The following PDLIM5 variants were observed in gnomAD, a reference collection of about 807,000 sequenced individuals.
PDLIM5 encodes PDZ and LIM domain 5.
A neutral mutation model predicts 64.2 loss-of-function variants in PDLIM5; 34 were observed. That is an observed-to-expected ratio of 0.53 (90% CI 0.40 to 0.71). The LOEUF (loss-of-function observed/expected upper bound fraction) is 0.71. Ranked by LOEUF, PDLIM5 falls within the 30% of genes least tolerant of loss-of-function variation. The pLI is 0.00. For synonymous variants in PDLIM5, 253 were observed against 269.1 expected (o/e 0.94, Z 0.59); for missense variants, 683 against 733.6 (o/e 0.93, Z 0.80).
At position 94,564,946 on chromosome 4, in the gene PDLIM5, A is replaced by G. The variant is rs985868246; in HGVS notation, c.249-8405A>G. 7.2e-5 allele frequency among the ~76,000 whole-genome samples: 11 copies of G among 151,986 alleles called. 1 individual carries two copies. Among genetic ancestry groups the G allele is most frequent in the Admixed American group, 3.9e-4 (6 of 15,254 alleles). On this transcript the variant is annotated intron_variant, in intron 3 of 12. Transcript: ENST00000317968. ...GCTGGGATTACAGGCATGAGCCGCC[A>G]CGCCCAGCCCGTCTGTTTTATTCAT...
At chr4:94,545,295 T>G (rs1578346295) in intron 3 of PDLIM5, among the ~76,000 whole-genome samples, 1 of 152,248 alleles carries the variant, frequency 6.6e-6, no homozygotes, top group East Asian at 1.9e-4. Context: ...CTTTAAATTT[T>G]TACAACTCTA....
intron 3 of PDLIM5, among the ~76,000 whole-genome samples, chr4:94,530,857 G>T (rs1730814920): frequency 6.6e-6 from 1 of 152,134 alleles, no homozygotes; most frequent in Non-Finnish European, 1.5e-5. Context: ...TGTTGTACCA[G>T]ACTGAAGCTA....
chr4:94,621,122 G>A (rs576480292), intron 8 of PDLIM5, among the ~76,000 whole-genome samples: 49 of 149,858 alleles, frequency 3.3e-4, no homozygotes, highest in African/African-American at 1.1e-3. Flanking sequence ...CTATTGTGTT[G>A]GAAAGAGGAC....
At chr4:94,554,734 C>T (rs1733120393) in intron 3 of PDLIM5, among the ~76,000 whole-genome samples, 1 of 151,756 alleles carries the variant, frequency 6.6e-6, no homozygotes, top group Non-Finnish European at 1.5e-5. Context: ...TTAAAGTTTG[C>T]TGTCATAGTA....
intron 8 of PDLIM5, among the ~76,000 whole-genome samples, chr4:94,620,592 AAG>A (rs757537850): frequency 6.6e-6 from 1 of 152,106 alleles, no homozygotes; most frequent in Non-Finnish European, 1.5e-5. Context: ...TGAGATTTGT[AAG>A]AGTGAATTTT....
At chr4:94,584,716 G>T (rs750222736) in intron 5 of PDLIM5, 2 of 412,732 alleles carry the variant, frequency 4.8e-6, no homozygotes, top group Middle Eastern at 6.7e-4. Context: ...ACCATACTTG[G>T]TTCCTGGGCC....
At chr4:94,484,368 G>T (rs899957441) in intron 2 of PDLIM5, among the ~76,000 whole-genome samples, 1 of 152,152 alleles carries the variant, frequency 6.6e-6, no homozygotes. Flanking sequence ...TAAAAAATTT[G>T]TGAGGAAGGC....
At chr4:94,583,278 T>TCAC in intron 5 of PDLIM5, among the ~76,000 whole-genome samples, 1 of 152,132 alleles carries the variant, frequency 6.6e-6, no homozygotes, top group Non-Finnish European at 1.5e-5. Flanking sequence ...AGGGGTAGTG[T>TCAC]ACTTTTTACA....
chr4:94,524,547 CTT>C (rs199637892), intron 3 of PDLIM5, among the ~76,000 whole-genome samples: 3 of 145,238 alleles, frequency 2.1e-5, no homozygotes, highest in East Asian at 2.0e-4. Context: ...GTCCTTTTCT[CTT>C]TTTTTTTTTC....
At chr4:94,646,130 C>T (rs886160143) in intron 9 of PDLIM5, among the ~76,000 whole-genome samples, 4 of 152,138 alleles carry the variant, frequency 2.6e-5, no homozygotes, top group African/African-American at 9.7e-5. Flanking sequence ...AAATCAAAGA[C>T]ATGCTCTTTT....
intron 7 of PDLIM5, among the ~76,000 whole-genome samples, chr4:94,599,373 A>G (rs969057936): frequency 1.3e-5 from 2 of 152,116 alleles, no homozygotes; most frequent in Non-Finnish European, 2.9e-5. Flanking sequence ...GTGAATTTGT[A>G]AAGAATTAGT....
At position 94,515,659 on chromosome 4, in the gene PDLIM5, A is replaced by G. The variant is rs188534466; in HGVS notation, c.97-8065A>G. 7.9e-5 allele frequency among the ~76,000 whole-genome samples: 12 copies of G among 152,336 alleles called. No individual in the cohort carries two copies. In the East Asian group the frequency reaches 2.3e-3, roughly 29 times the overall value. On this transcript the variant is annotated intron_variant, in intron 2 of 12. Transcript: ENST00000317968. The stretch of plus-strand genomic sequence containing the variant: ...TTGTGAAAAGTCGTGGTCCCACTCA[A>G]TGGAATATACATGCATGCTTGCACA...
At chr4:94,547,769 T>C (rs1732451450) in intron 3 of PDLIM5, among the ~76,000 whole-genome samples, 1 of 152,236 alleles carries the variant, frequency 6.6e-6, no homozygotes, top group South Asian at 2.1e-4. Context: ...GCCAGAATTA[T>C]ATTCAGACTC....
At chr4:94,575,543 T>G in intron 4 of PDLIM5, 73 bp from the exon 5 acceptor site, 4 of 1,052,560 alleles carry the variant, frequency 3.8e-6, no homozygotes, top group Non-Finnish European at 4.2e-6. Flanking sequence ...ATCAGCTCTG[T>G]GTTCTTTTCG....
intron 2 of PDLIM5, among the ~76,000 whole-genome samples, chr4:94,520,321 A>G (rs1729721705): frequency 6.6e-6 from 1 of 152,180 alleles, no homozygotes; most frequent in Non-Finnish European, 1.5e-5. Context: ...GCCTCCCACA[A>G]CTGCTTCCTT....
At chr4:94,600,111 C>T (rs1737374883) in intron 7 of PDLIM5, among the ~76,000 whole-genome samples, 3 of 152,066 alleles carry the variant, frequency 2.0e-5, no homozygotes, top group Non-Finnish European at 4.4e-5. Flanking sequence ...TGTGATTAAT[C>T]CTCAGAGTCC....
intron 2 of PDLIM5, among the ~76,000 whole-genome samples, chr4:94,491,304 G>T (rs1444611838): frequency 6.6e-6 from 1 of 152,116 alleles, no homozygotes; most frequent in Non-Finnish European, 1.5e-5. Context: ...TTTCTTTCCA[G>T]AGATTTTTAA....
intron 8 of PDLIM5, among the ~76,000 whole-genome samples, chr4:94,623,374 T>G (rs1333187070): frequency 6.6e-6 from 1 of 152,216 alleles, no homozygotes; most frequent in East Asian, 1.9e-4. Flanking sequence ...TCCTTTTATT[T>G]GAAATGCTTT....
chr4:94,487,289 A>G (rs1019583213), intron 2 of PDLIM5, among the ~76,000 whole-genome samples: 2 of 152,154 alleles, frequency 1.3e-5, no homozygotes, highest in African/African-American at 2.4e-5. Flanking sequence ...TCTGCTGCCT[A>G]TATAGATTTT....
Sources: gnomAD v4.1 joint callset for allele counts (sites outside exome capture counted in the v4.1 genomes callset) on GRCh38, gnomAD v4.1.1 for gene constraint, MANE v1.5 for transcripts, NCBI Gene and HGNC (gene_info 2026-07-23, HGNC 2026-07-21) for gene names.